CCDC82: variants seen among roughly 807,000 people sequenced by gnomAD.
CCDC82 encodes coiled-coil domain containing 82.
Under a neutral mutation model 60.6 loss-of-function variants are expected in CCDC82, and 47 were observed. The ratio of observed to expected loss-of-function variants is 0.77; its 90% CI spans 0.61 to 0.99. The LOEUF (loss-of-function observed/expected upper bound fraction) is 0.99. Ranked by LOEUF, CCDC82 falls within the 50% of genes least tolerant of loss-of-function variation. The probability of loss-of-function intolerance (pLI) is 0.00; values close to 1 mark genes in which losing one functional copy is unlikely to be tolerated. For synonymous variants in CCDC82, 212 were observed against 207.4 expected (o/e 1.02, Z -0.19); for missense variants, 588 against 633.0 (o/e 0.93, Z 0.76).
chr11:96,356,903 A>G, intron 9 of CCDC82: 1 of 985,456 alleles, frequency 1.0e-6, no homozygotes, highest in Non-Finnish European at 1.2e-6. Context: ...GTGGAATACA[A>G]GCTGGAGGCA....
intron 9 of CCDC82, 21 bp from the exon 10 acceptor site, chr11:96,353,735 C>T (rs956217692): frequency 1.3e-6 from 2 of 1,577,738 alleles, no homozygotes; most frequent in Admixed American, 3.4e-5. Context: ...AATAGAAAAG[C>T]TAGTTATTTT....
chr11:96,387,007 T>C (rs1217679338), intron 2 of CCDC82: 3 of 152,366 alleles, frequency 2.0e-5, no homozygotes, highest in Admixed American at 2.0e-4. Flanking sequence ...TTTTAAGCTG[T>C]ATAGTACAAA....
At chr11:96,376,606 T>TAC (rs1343680560) in intron 5 of CCDC82, among the ~76,000 whole-genome samples, 1 of 151,888 alleles carries the variant, frequency 6.6e-6, no homozygotes, top group African/African-American at 2.4e-5. Flanking sequence ...TTTTGTACTT[T>TAC]TAGTAGAGAC....
intron 7 of CCDC82, among the ~76,000 whole-genome samples, chr11:96,365,919 T>C (rs1189734951): frequency 6.6e-6 from 1 of 152,252 alleles, no homozygotes; most frequent in African/African-American, 2.4e-5. Flanking sequence ...ACCACATTCA[T>C]ATCTTCTACC....
At position 96,384,081 on chromosome 11, in the gene CCDC82, T is replaced by C. The variant is rs1222270358; in HGVS notation, c.667A>G (p.Met223Val). The C allele has an allele frequency of 6.2e-7, 1 of 1,613,748 alleles. No homozygotes were observed. The highest frequency in any genetic ancestry group is 1.3e-5 in the African/African-American group (1 of 75,034). ...GTTTTTTCAGGAGTCTTTTGCTCCA[T>C]TTCCACTGAAGAACCTTCATCTTCA... ...VVEDEGSSVE[M>V]EQKTPEKTLA... Residue 223 changes from methionine (M) to valine (V), a missense_variant, in exon 4 of 10, where the codon ATG becomes GTG. Met to Val is a conservative substitution (Grantham distance 21, BLOSUM62 1). Transcript: ENST00000646818.
rs745892275 is a variant in CCDC82, at chr11:96,384,654, T to C, written c.94A>G (p.Ser32Gly). The C allele has an allele frequency of 3.1e-6, 5 of 1,613,554 alleles. No individual in the cohort carries two copies. Among genetic ancestry groups the C allele is most frequent in the Non-Finnish European group, 8.5e-7 (1 of 1,179,698 alleles). Residue 32 changes from serine (S) to glycine (G), a missense_variant, in exon 4 of 10, where the codon AGT becomes GGT. Ser to Gly is a moderately conservative substitution (Grantham distance 56, BLOSUM62 0). Transcript: ENST00000646818. ...CTATCAAGTAATTGTGAGATACTAC[T>C]TCTTTTAGTTCGCCTCCAATCAACT... ...SRVDWRRTKR[S>G]SISQLLDSDE...
intron 9 of CCDC82, chr11:96,354,333 A>G (rs1052603181): frequency 2.6e-5 from 4 of 152,208 alleles, no homozygotes; most frequent in African/African-American, 9.6e-5. Flanking sequence ...GTGACAAGAA[A>G]ATATGGGATT....
intron 8 of CCDC82, among the ~76,000 whole-genome samples, chr11:96,361,756 C>T (rs1351902534): frequency 6.6e-6 from 1 of 152,142 alleles, no homozygotes; most frequent in African/African-American, 2.4e-5. Context: ...TAACATTAAT[C>T]TCTGGTGTTA....
At chr11:96,383,896 A>C (rs1866021307) in intron 4 of CCDC82, 66 bp downstream of exon 4, 2 of 1,427,386 alleles carry the variant, frequency 1.4e-6, no homozygotes, top group Admixed American at 4.6e-5. Context: ...GCACTTTTTT[A>C]TAAAAATTAA....
chr11:96,371,442 C>T (rs527689561), intron 6 of CCDC82, among the ~76,000 whole-genome samples: 2 of 151,968 alleles, frequency 1.3e-5, no homozygotes, highest in African/African-American at 4.8e-5. Context: ...ATTAGCCAGG[C>T]GTGGTAGCGG....
chr11:96,360,054 TACA>T (rs1864560560), intron 8 of CCDC82, among the ~76,000 whole-genome samples: 1 of 149,950 alleles, frequency 6.7e-6, no homozygotes, highest in South Asian at 2.1e-4. Flanking sequence ...AAATTTGTTA[TACA>T]AAACTACAGC....
chr11:96,374,618 C>T (rs1428691478), intron 5 of CCDC82, among the ~76,000 whole-genome samples: 4 of 152,026 alleles, frequency 2.6e-5, no homozygotes, highest in African/African-American at 9.7e-5. Context: ...AAAATCAGTA[C>T]GGCATAATTG....
chr11:96,381,775 C>T (rs2136193561), intron 5 of CCDC82: 1 of 151,874 alleles, frequency 6.6e-6, no homozygotes, highest in South Asian at 2.1e-4. Context: ...CCTGATAGTG[C>T]CCAAGTCCAT....
chr11:96,366,479 T>G (rs1591179026), intron 7 of CCDC82, among the ~76,000 whole-genome samples: 1 of 152,220 alleles, frequency 6.6e-6, no homozygotes, highest in African/African-American at 2.4e-5. Flanking sequence ...CATACAGGCA[T>G]GGGTTTTGGA....
chr11:96,379,125 T>C (rs1565317821), intron 5 of CCDC82, among the ~76,000 whole-genome samples: 1 of 151,936 alleles, frequency 6.6e-6, no homozygotes, highest in Non-Finnish European at 1.5e-5. Flanking sequence ...CTAGCCTAAT[T>C]ACAACTTAAC....
chr11:96,363,952 A>G (rs1018840733), intron 8 of CCDC82: 1 of 151,936 alleles, frequency 6.6e-6, no homozygotes. Context: ...TCATGCTTTC[A>G]GTTTATTGTT....
chr11:96,366,601 T>G (rs1591179250), intron 7 of CCDC82, among the ~76,000 whole-genome samples: 1 of 152,280 alleles, frequency 6.6e-6, no homozygotes, highest in South Asian at 2.1e-4. Context: ...GAAATAATAG[T>G]GCCCTCCAGC....
intron 6 of CCDC82, among the ~76,000 whole-genome samples, chr11:96,372,472 C>T (rs2136141739): frequency 6.6e-6 from 1 of 151,482 alleles, no homozygotes; most frequent in Admixed American, 6.6e-5. Flanking sequence ...ATCCCCAGCC[C>T]TCAAATAATG....
intron 9 of CCDC82, chr11:96,357,531 A>C: frequency 1.0e-6 from 1 of 985,418 alleles, no homozygotes; most frequent in Non-Finnish European, 1.2e-6. Context: ...CTGGTGTCCT[A>C]AACCTTGTTA....
Sources: allele counts gnomAD v4.1 joint callset (sites outside exome capture counted in the v4.1 genomes callset), GRCh38; gene constraint gnomAD v4.1.1; transcripts MANE v1.5; gene names NCBI Gene and HGNC (gene_info 2026-07-23, HGNC 2026-07-21).